Variants in THAP4 observed in about 807,000 individuals in gnomAD.
THAP4 encodes peroxynitrite isomerase THAP4.
A neutral mutation model predicts 48.1 loss-of-function variants in THAP4; 18 were observed. The ratio of observed to expected loss-of-function variants is 0.37; its 90% confidence interval spans 0.26 to 0.56. The LOEUF is 0.56. Among genes scored for constraint, THAP4 ranks in the 20% least tolerant of loss-of-function variants. The pLI, the probability that THAP4 is intolerant of heterozygous loss-of-function variation, is 0.78. For synonymous variants in THAP4, 345 were observed against 324.9 expected, an observed-to-expected ratio of 1.06 and a Z score of -0.66; for missense variants, 656 against 774.9, an observed-to-expected ratio of 0.85 and a Z score of 1.82.
At chr2:241,596,833 A>G (rs1269843997) in intron 5 of THAP4, among the ~76,000 whole-genome samples, 3 of 148,234 alleles carry the variant, frequency 2.0e-5, no homozygotes, top group African/African-American at 7.5e-5. Context: ...CAAAAAGTCC[A>G]CCTGTCTGGG....
At chr2:241,628,925 CAAAAAA>C (rs34034619) in intron 2 of THAP4, among the ~76,000 whole-genome samples, 2 of 64,348 alleles carry the variant, frequency 3.1e-5, no homozygotes, top group African/African-American at 6.1e-5. Flanking sequence ...GAGATTGTCT[CAAAAAA>C]AAAAAAAAAA....
At chr2:241,586,992 T>C (rs1376970277) in intron 5 of THAP4, among the ~76,000 whole-genome samples, 1 of 152,162 alleles carries the variant, frequency 6.6e-6, no homozygotes, top group Non-Finnish European at 1.5e-5. Context: ...AAATTCTAAT[T>C]ATATCACAGC....
intron 4 of THAP4, among the ~76,000 whole-genome samples, chr2:241,602,372 C>CA (rs571415430): frequency 0.047 from 6,532 of 139,074 alleles, 177 homozygotes; most frequent in Non-Finnish European, 0.073. Flanking sequence ...TTTTTTTTTT[C>CA]TTTTTTTTTT....
At chr2:241,624,634 C>T (rs2067474142) in intron 2 of THAP4, among the ~76,000 whole-genome samples, 2 of 152,202 alleles carry the variant, frequency 1.3e-5, no homozygotes, top group African/African-American at 4.8e-5. Flanking sequence ...AACCTGGAAG[C>T]TCTCCAAATT....
intron 2 of THAP4, among the ~76,000 whole-genome samples, chr2:241,620,391 A>G (rs1157263058): frequency 1.2e-4 from 10 of 80,998 alleles, no homozygotes; most frequent in South Asian, 4.9e-4. Flanking sequence ...TGAGTGAGTC[A>G]GTGAGTGAGG....
At chr2:241,617,710 T>C (rs982006628) in intron 2 of THAP4, among the ~76,000 whole-genome samples, 1 of 152,134 alleles carries the variant, frequency 6.6e-6, no homozygotes, top group Non-Finnish European at 1.5e-5. Flanking sequence ...CGAGTGCGGC[T>C]TCTACCCTCA....
intron 2 of THAP4, among the ~76,000 whole-genome samples, chr2:241,628,888 C>T (rs1053075737): frequency 3.3e-5 from 4 of 119,852 alleles, no homozygotes; most frequent in African/African-American, 3.3e-5. Flanking sequence ...CGCAGTAAGA[C>T]GAGATCATGC....
rs2067293941 is a variant in THAP4, at chr2:241,612,864, G to C, written c.1241-6391C>G. Among the ~76,000 whole-genome samples the C allele has an allele frequency of 6.6e-6, 1 of 152,226 alleles. No individual in the cohort carries two copies. The highest frequency in any genetic ancestry group is 2.1e-4 in the South Asian group (1 of 4,834). On this transcript the variant is annotated intron_variant, in intron 2 of 5. Transcript: ENST00000407315. This position sits in a 1 kb window ranked among gnomAD's most constrained non-coding sequence, Gnocchi z 4.1. ...GCCACAGCGATCCTTCCAGATTGCA[G>C]GCGCGTGAGCTGGCTCACTGACACG...
chr2:241,620,562 T>C (rs1575034723), intron 2 of THAP4, among the ~76,000 whole-genome samples: 1 of 99,284 alleles, frequency 1.0e-5, no homozygotes, highest in Non-Finnish European at 2.0e-5. Flanking sequence ...GAGTCAGGAG[T>C]GAGTGAGTCG....
rs2067115009 is a variant in THAP4, at chr2:241,601,710, G to C, written c.1614+186C>G. ...AACCACACCACTGACCAGCCGAGGA[G>C]GGGGCAATGAATTTAGGGAACATCC... On this transcript the variant is annotated intron_variant, in intron 5 of 5. Transcript: ENST00000407315. The surrounding 1 kb of genome is among the most constrained non-coding windows in gnomAD (Gnocchi z 4.0). The C allele has an allele frequency of 9.1e-7, 1 of 1,093,844 alleles. No homozygotes were observed. Among genetic ancestry groups the C allele is most frequent in the Non-Finnish European group, 1.3e-6 (1 of 774,538 alleles). 67.8% of individuals were successfully genotyped at this position (1,093,844 alleles called of 1,614,324 possible).
At chr2:241,636,874 C>T in intron 1 of THAP4, 67 bp downstream of exon 1, 1 of 960,918 alleles carries the variant, frequency 1.0e-6, no homozygotes, top group Non-Finnish European at 1.3e-6. Flanking sequence ...TCGGGCCGGC[C>T]GCGGGGCCTC....
rs1371876459 is a variant in THAP4 at position 241,612,180 on chromosome 2, GAA to G, written c.1241-5709_1241-5708del. On this transcript the variant is annotated intron_variant, in intron 2 of 5. Coordinates refer to ENST00000407315, the MANE Select transcript of THAP4 (RefSeq NM_015963.6). The surrounding 1 kb of genome is among the most constrained non-coding windows in gnomAD (Gnocchi z 4.1). The stretch of plus-strand genomic sequence containing the variant: ...AAAAAAATCAAGCCACCACCCAAAT[GAA>G]GTGGAGATTGGAAGCAGCACAGGGA... 2.0e-5 allele frequency among the ~76,000 whole-genome samples: 3 copies of G among 152,164 alleles called. No homozygotes were observed. Among genetic ancestry groups the G allele is most frequent in the Non-Finnish European group, 2.9e-5 (2 of 68,034 alleles).
At chr2:241,613,027 T>C (rs768600275) in intron 2 of THAP4, among the ~76,000 whole-genome samples, 37 of 152,208 alleles carry the variant, frequency 2.4e-4, no homozygotes, top group Non-Finnish European at 3.2e-4. Context: ...AAATATATTA[T>C]TAAAATCGAT....
intron 2 of THAP4, among the ~76,000 whole-genome samples, chr2:241,627,581 C>T (rs1453930139): frequency 6.6e-6 from 1 of 152,196 alleles, no homozygotes; most frequent in Non-Finnish European, 1.5e-5. Flanking sequence ...TTTGGGGAAC[C>T]TGCCCAAAAG....
At chr2:241,602,857 C>T in intron 4 of THAP4, 113 bp downstream of exon 4, 2 of 823,914 alleles carry the variant, frequency 2.4e-6, no homozygotes, top group Non-Finnish European at 4.0e-6. Context: ...CCCCACGGTC[C>T]CCACCAGCAC....
At chr2:241,618,714 T>C (rs1559229935) in intron 2 of THAP4, among the ~76,000 whole-genome samples, 1 of 152,060 alleles carries the variant, frequency 6.6e-6, no homozygotes, top group African/African-American at 2.4e-5. Context: ...GAACTTGATT[T>C]GGACAAAATG....
rs140227993 is a variant in THAP4 at position 241,633,807 on chromosome 2, C to T, written c.350G>A (p.Ser117Asn). Reference protein sequence around the residue: ...KATGGVRGHSSAATSRGAAGW... With the variant: ...KATGGVRGHSNAATSRGAAGW... ...TGCAGCTCCTCTGCTGGTGGCGGCA[C>T]TCGAGTGTCCCCTCACACCCCCTGT... Residue 117 changes from serine to asparagine, a missense_variant, in exon 2 of 6, where the codon AGT (serine) becomes AAT (asparagine). Around this residue, in one of 4 missense-constraint regions of THAP4, gnomAD observed 391 missense variants for 412.4 expected, o/e 0.95. Transcript: ENST00000407315. The surrounding 1 kb of genome is among the most constrained non-coding windows in gnomAD (Gnocchi z 7.5). The T allele has an allele frequency of 6.8e-5, 110 of 1,613,782 alleles. No individual in the cohort carries two copies. In the African/African-American group the frequency reaches 1.3e-3, roughly 19 times the overall value.
At chr2:241,591,366 T>C (rs912013030) in intron 5 of THAP4, among the ~76,000 whole-genome samples, 1 of 152,230 alleles carries the variant, frequency 6.6e-6, no homozygotes, top group African/African-American at 2.4e-5. Flanking sequence ...GTTCTCAGTC[T>C]TGACTGGCGC....
intron 2 of THAP4, among the ~76,000 whole-genome samples, chr2:241,611,779 C>T (rs1050391326): frequency 4.6e-5 from 7 of 151,750 alleles, no homozygotes; most frequent in Non-Finnish European, 7.4e-5. Flanking sequence ...TGAAGACCTT[C>T]TGCTTCTCCA....
Sources: gnomAD v4.1 joint callset for allele counts (sites outside exome capture counted in the v4.1 genomes callset) on GRCh38, gnomAD v4.1.1 for gene constraint, gnomAD v4.1.1 regional missense constraint, Gnocchi (gnomAD v3.1) non-coding constraint, MANE v1.5 for transcripts, NCBI Gene and HGNC (gene_info 2026-07-23, HGNC 2026-07-21) for gene names.